Variants in PDGFD observed in about 807,000 individuals in gnomAD.
PDGFD encodes the protein platelet derived growth factor D, also known as platelet-derived growth factor D.
Under a neutral mutation model 44.7 loss-of-function variants are expected in PDGFD, and 30 were observed. That is an observed-to-expected ratio of 0.67 (90% CI 0.50 to 0.91). PDGFD has a LOEUF of 0.91. Ranked by LOEUF, PDGFD falls within the 40% of genes least tolerant of loss-of-function variation. The pLI, the probability that PDGFD is intolerant of heterozygous loss-of-function variation, is 0.00. For synonymous variants in PDGFD, 173 were observed against 168.4 expected (o/e 1.03, Z -0.21); for missense variants, 445 against 457.8 (o/e 0.97, Z 0.25).
chr11:103,928,811 T>C (rs1485956216), intron 5 of PDGFD, among the ~76,000 whole-genome samples: 1 of 152,200 alleles, frequency 6.6e-6, no homozygotes, highest in Non-Finnish European at 1.5e-5. Context: ...GCTAAAGCCC[T>C]GAAAATAACT....
At chr11:104,157,499 G>A (rs914445345) in intron 1 of PDGFD, among the ~76,000 whole-genome samples, 1 of 152,044 alleles carries the variant, frequency 6.6e-6, no homozygotes. Flanking sequence ...TTTCACTGGT[G>A]GACACTTGTT....
intron 1 of PDGFD, among the ~76,000 whole-genome samples, chr11:104,122,176 T>G (rs1403695819): frequency 6.7e-6 from 1 of 148,504 alleles, no homozygotes; most frequent in Non-Finnish European, 1.5e-5. Flanking sequence ...GCTGGAAGCT[T>G]GCACAGGGGA....
intron 3 of PDGFD, among the ~76,000 whole-genome samples, chr11:103,975,280 A>G (rs1422578642): frequency 6.6e-6 from 1 of 152,172 alleles, no homozygotes; most frequent in African/African-American, 2.4e-5. Flanking sequence ...TTGGCCACAT[A>G]AATGTCTTCA....
chr11:104,030,632 A>C (rs1860110045), intron 1 of PDGFD, among the ~76,000 whole-genome samples: 2 of 152,196 alleles, frequency 1.3e-5, no homozygotes, highest in Non-Finnish European at 2.9e-5. Context: ...TACCAATCCT[A>C]CCATCTTAAT....
At chr11:104,099,558 G>A (rs780839591) in intron 1 of PDGFD, among the ~76,000 whole-genome samples, 28 of 151,606 alleles carry the variant, frequency 1.8e-4, no homozygotes, top group Non-Finnish European at 1.9e-4. Flanking sequence ...CTTTATCCTA[G>A]GAGGCAGAGG....
intron 1 of PDGFD, among the ~76,000 whole-genome samples, chr11:104,081,323 A>G (rs552948196): frequency 5.9e-5 from 9 of 152,308 alleles, no homozygotes; most frequent in African/African-American, 2.2e-4. Flanking sequence ...AGAAGCTGAT[A>G]GAGTTGCATT....
At chr11:103,987,551 T>C (rs1225826587) in intron 3 of PDGFD, among the ~76,000 whole-genome samples, 1 of 152,092 alleles carries the variant, frequency 6.6e-6, no homozygotes, top group African/African-American at 2.4e-5. Flanking sequence ...TGCATCATAG[T>C]TGTTGTACAC....
At chr11:104,162,841 A>T (rs548695986) in intron 1 of PDGFD, among the ~76,000 whole-genome samples, 2 of 152,296 alleles carry the variant, frequency 1.3e-5, no homozygotes, top group African/African-American at 4.8e-5. Flanking sequence ...TAGTACTTTA[A>T]GCAAGCAGGA....
intron 1 of PDGFD, among the ~76,000 whole-genome samples, chr11:104,095,595 A>C (rs1454662752): frequency 2.5e-5 from 3 of 118,584 alleles, no homozygotes; most frequent in Non-Finnish European, 5.3e-5. Context: ...AAATGAGAGA[A>C]GAAGAAGGAG....
At chr11:103,948,107 A>G (rs1196506744) in intron 3 of PDGFD, among the ~76,000 whole-genome samples, 1 of 152,212 alleles carries the variant, frequency 6.6e-6, no homozygotes, top group African/African-American at 2.4e-5. Context: ...TGTAATTACC[A>G]ATGGCACTGA....
At chr11:104,005,678 C>G (rs1022914472) in intron 1 of PDGFD, among the ~76,000 whole-genome samples, 10 of 152,182 alleles carry the variant, frequency 6.6e-5, no homozygotes, top group Admixed American at 1.3e-4. Flanking sequence ...CAACCCCATG[C>G]CATTGGTATT....
chr11:104,126,082 T>C (rs1382492573), intron 1 of PDGFD, among the ~76,000 whole-genome samples: 3 of 152,152 alleles, frequency 2.0e-5, no homozygotes, highest in Admixed American at 6.5e-5. Context: ...TGACATTTCC[T>C]TTCATGTGGA....
chr11:104,108,459 A>G (rs568362627), intron 1 of PDGFD, among the ~76,000 whole-genome samples: 53 of 152,298 alleles, frequency 3.5e-4, no homozygotes, highest in Non-Finnish European at 6.5e-4. Flanking sequence ...AATGCTCATC[A>G]TCACTGGCTA....
In PDGFD at chr11:104,119,550, ATTG is replaced by A. The variant is rs1312453702; in HGVS notation, c.124+44251_124+44253del. Among the ~76,000 whole-genome samples the A allele has an allele frequency of 2.1e-4, 18 of 85,902 alleles. 1 individual carries two copies. The highest frequency in any genetic ancestry group is 5.6e-4 in the African/African-American group (11 of 19,660). 56.4% of individuals were successfully genotyped at this position (85,902 alleles called of 152,430 possible). On this transcript the variant is annotated intron_variant, in intron 1 of 6. Coordinates refer to ENST00000393158, the MANE Select transcript of PDGFD (RefSeq NM_025208.5). ...ATTGATATAATATATAATATAATAT[ATTG>A]ATATAATATATAATATATTAATATA...
At chr11:104,041,584 A>G (rs1860353691) in intron 1 of PDGFD, among the ~76,000 whole-genome samples, 1 of 152,078 alleles carries the variant, frequency 6.6e-6, no homozygotes, top group South Asian at 2.1e-4. Flanking sequence ...TTCCTGTCTC[A>G]GGCCATTTAA....
intron 3 of PDGFD, among the ~76,000 whole-genome samples, chr11:103,968,545 C>T (rs1409443609): frequency 1.3e-5 from 2 of 152,078 alleles, no homozygotes; most frequent in Admixed American, 1.3e-4. Context: ...AAAATATTCC[C>T]AAATTAATCT....
At chr11:103,927,231 A>C in intron 5 of PDGFD, 105 bp from the exon 6 acceptor site, 1 of 999,960 alleles carries the variant, frequency 1.0e-6, no homozygotes, top group Non-Finnish European at 1.5e-6. Flanking sequence ...GGACAACTTT[A>C]ATCCTGGGAT....
At chr11:103,942,305 G>C (rs1027653398) in intron 5 of PDGFD, among the ~76,000 whole-genome samples, 1 of 152,060 alleles carries the variant, frequency 6.6e-6, no homozygotes, top group African/African-American at 2.4e-5. Flanking sequence ...AATAAGGAAA[G>C]GACATAACAG....
At chr11:103,985,102 AATTT>A (rs1162638843) in intron 3 of PDGFD, among the ~76,000 whole-genome samples, 3 of 89,970 alleles carry the variant, frequency 3.3e-5, no homozygotes, top group East Asian at 2.7e-4. Context: ...ATTATATATT[AATTT>A]ATTTAATATA....
Sources: gnomAD v4.1 joint callset for allele counts (sites outside exome capture counted in the v4.1 genomes callset) on GRCh38, gnomAD v4.1.1 for gene constraint, MANE v1.5 for transcripts, NCBI Gene and HGNC (gene_info 2026-07-23, HGNC 2026-07-21) for gene names.